CCDC171: variants seen among roughly 807,000 people sequenced by gnomAD.
CCDC171 encodes coiled-coil domain-containing protein 171.
Under a neutral mutation model 168.2 loss-of-function variants are expected in CCDC171, and 177 were observed. That is an observed-to-expected ratio of 1.05 (90% CI 0.93 to 1.19). The LOEUF (loss-of-function observed/expected upper bound fraction) is 1.19. Ranked by LOEUF, CCDC171 falls within the 50% of genes most tolerant of loss-of-function variation. The pLI, the probability that CCDC171 is intolerant of heterozygous loss-of-function variation, is 0.00. For synonymous variants in CCDC171, 687 were observed against 540.8 expected, an observed-to-expected ratio of 1.27 and a Z score of -3.75; for missense variants, 1,991 against 1,539.0, an observed-to-expected ratio of 1.29 and a Z score of -4.91.
chr9:15,765,931 T>C (rs1279939859), intron 18 of CCDC171, among the ~76,000 whole-genome samples: 2 of 152,146 alleles, frequency 1.3e-5, no homozygotes, highest in African/African-American at 4.8e-5. Flanking sequence ...ATTAGCTATT[T>C]TTTCAGGGAA....
intron 21 of CCDC171, among the ~76,000 whole-genome samples, chr9:15,809,099 C>T (rs1489148672): frequency 1.3e-5 from 2 of 152,254 alleles, no homozygotes; most frequent in South Asian, 2.1e-4. Flanking sequence ...CTTTTATTGC[C>T]ATCACCTTGG....
chr9:15,685,022 T>C (rs999029798), intron 10 of CCDC171, among the ~76,000 whole-genome samples: 2 of 152,140 alleles, frequency 1.3e-5, no homozygotes, highest in Non-Finnish European at 2.9e-5. Context: ...GGCAACAAAT[T>C]CCATATGTGA....
intron 23 of CCDC171, among the ~76,000 whole-genome samples, chr9:15,872,830 G>A (rs1817345702): frequency 6.6e-6 from 1 of 151,910 alleles, no homozygotes; most frequent in African/African-American, 2.4e-5. Flanking sequence ...TCTTTTATCT[G>A]AGTGCACATT....
chr9:15,981,127 T>G (rs980146925), intron 3 of CCDC171, among the ~76,000 whole-genome samples: 2 of 152,018 alleles, frequency 1.3e-5, no homozygotes, highest in Admixed American at 1.3e-4. Flanking sequence ...CCACAACACA[T>G]GGGAATTCAA....
intron 24 of CCDC171, among the ~76,000 whole-genome samples, chr9:15,897,284 C>CT (rs138983801): frequency 0.42 from 63,547 of 151,216 alleles, 13,470 homozygotes; most frequent in African/African-American, 0.44. Context: ...AGTTGTTTTC[C>CT]TTTTTTCCAA....
chr9:15,568,638 T>A (rs2039951520), intron 2 of CCDC171, among the ~76,000 whole-genome samples: 1 of 152,220 alleles, frequency 6.6e-6, no homozygotes, highest in Admixed American at 6.5e-5. Context: ...TGGTTTTGAT[T>A]TGCGTTTCTC....
intron 7 of CCDC171, among the ~76,000 whole-genome samples, chr9:15,637,937 C>T (rs1417507209): frequency 6.6e-6 from 1 of 152,048 alleles, no homozygotes; most frequent in Non-Finnish European, 1.5e-5. Flanking sequence ...CATACGTGTG[C>T]ATGTGTCTTT....
chr9:15,636,777 A>G (rs2046232706), intron 7 of CCDC171, among the ~76,000 whole-genome samples: 2 of 145,332 alleles, frequency 1.4e-5, no homozygotes, highest in Admixed American at 1.4e-4. Context: ...AAAAAGGTTT[A>G]GGATAGAGTT....
chr9:15,563,118 T>C (rs1459710801), intron 1 of CCDC171, among the ~76,000 whole-genome samples: 6 of 152,064 alleles, frequency 3.9e-5, no homozygotes, highest in African/African-American at 7.2e-5. Flanking sequence ...TCTGTAACTA[T>C]GTGACTTTTT....
chr9:15,890,267 A>C (rs1461623485), intron 24 of CCDC171, among the ~76,000 whole-genome samples: 1 of 152,188 alleles, frequency 6.6e-6, no homozygotes, highest in Non-Finnish European at 1.5e-5. Context: ...CATAGATAAA[A>C]GTACCATTGC....
chr9:15,774,871 G>A (rs182805977), intron 18 of CCDC171, among the ~76,000 whole-genome samples: 9 of 152,314 alleles, frequency 5.9e-5, no homozygotes, highest in Admixed American at 5.2e-4. Flanking sequence ...ACCAAACATG[G>A]TATGTTCTCA....
At chr9:15,974,302 A>T (rs1333948655), downstream of CCDC171, among the ~76,000 whole-genome samples, 1 of 152,140 alleles carries the variant, frequency 6.6e-6, no homozygotes, top group Non-Finnish European at 1.5e-5. Context: ...TCCTATGGAG[A>T]TCTGAGAAAC....
At chr9:16,064,189 A>C (rs532384453), downstream of CCDC171, among the ~76,000 whole-genome samples, 1 of 152,304 alleles carries the variant, frequency 6.6e-6, no homozygotes, top group Non-Finnish European at 1.5e-5. Context: ...AAAGGATAAC[A>C]AAAGCATGCT....
At chr9:15,678,687 T>C in intron 9 of CCDC171, 71 bp from the exon 10 acceptor site, 1 of 1,280,764 alleles carries the variant, frequency 7.8e-7, no homozygotes, top group South Asian at 1.5e-5. Context: ...CTGCCATATG[T>C]ATTAAAGGTG....
At position 15,796,409 on chromosome 9, in the gene CCDC171, A is replaced by G. The variant is rs138844510; in HGVS notation, c.3267+11715A>G. On this transcript the variant is annotated intron_variant, in intron 21 of 25. Coordinates refer to ENST00000380701, the MANE Select transcript of CCDC171 (RefSeq NM_173550.4). ...AAGCACCTATAAACATAGTAATGAG[A>G]TGACAGAATAACGAAGACAAAAGTA... Among the ~76,000 whole-genome samples the G allele has an allele frequency of 1.8e-3, 269 of 152,352 alleles. 2 individuals are homozygous for G. Among genetic ancestry groups the G allele is most frequent in the African/African-American group, 6.1e-3 (252 of 41,592 alleles).
At chr9:15,800,870 A>G (rs560930689) in intron 21 of CCDC171, among the ~76,000 whole-genome samples, 84 of 152,186 alleles carry the variant, frequency 5.5e-4, no homozygotes, top group African/African-American at 1.9e-3. Context: ...TGAAGAAACT[A>G]TCTTTTCCCA....
chr9:15,574,099 A>C lies in CCDC171; in HGVS notation c.177+2340A>C, dbSNP rs188704262. Among the ~76,000 whole-genome samples the C allele has an allele frequency of 6.6e-5, 10 of 151,940 alleles. No homozygotes were observed. In the East Asian group the frequency reaches 1.9e-3, roughly 29 times the overall value. ...TTATAATTGGTTCAACTCCAGATTT[A>C]TATTACTAATTATTATTTTTTCAAT... On this transcript the variant is annotated intron_variant, in intron 3 of 25. Coordinates refer to ENST00000380701, the MANE Select transcript of CCDC171 (RefSeq NM_173550.4).
intron 9 of CCDC171, among the ~76,000 whole-genome samples, chr9:15,673,449 GT>G (rs2049277542): frequency 1.3e-5 from 2 of 152,282 alleles, no homozygotes; most frequent in South Asian, 4.1e-4. Context: ...AATGCTTCCA[GT>G]TTTTGCCCAT....
chr9:15,822,206 G>T (rs141400904), intron 21 of CCDC171, among the ~76,000 whole-genome samples: 1 of 152,002 alleles, frequency 6.6e-6, no homozygotes, highest in African/African-American at 2.4e-5. Context: ...CGACTTAAAT[G>T]TCAGACCTAA....
Sources: allele counts gnomAD v4.1 joint callset (sites outside exome capture counted in the v4.1 genomes callset), GRCh38; gene constraint gnomAD v4.1.1; transcripts MANE v1.5; gene names NCBI Gene and HGNC (gene_info 2026-07-23, HGNC 2026-07-21).